The following HEATR5A variants were observed in gnomAD, a reference collection of about 807,000 sequenced individuals.
HEATR5A encodes HEAT repeat-containing protein 5A.
HEATR5A carries 178 observed loss-of-function variants against 218.8 expected under a neutral mutation model. The ratio of observed to expected loss-of-function variants is 0.81; its 90% CI spans 0.72 to 0.92. HEATR5A has a LOEUF of 0.92. Among genes scored for constraint, HEATR5A ranks in the 40% least tolerant of loss-of-function variants. The pLI is 0.00. For missense variants in HEATR5A, 2,420 were observed against 2,418.9 expected (o/e 1.00, Z -0.01); for synonymous variants, 864 against 871.6 (o/e 0.99, Z 0.15).
intron 28 of HEATR5A, 62 bp downstream of exon 28, chr14:31,312,906 A>AAAAAG (rs113193812): frequency 0.051 from 70,410 of 1,384,280 alleles, 5,803 homozygotes; most frequent in East Asian, 0.29. Flanking sequence ...AAAAACAAAA[A>AAAAAG]AAAAGAAAAG....
At chr14:31,405,008 G>A (rs1177636576) in intron 1 of HEATR5A, among the ~76,000 whole-genome samples, 1 of 148,864 alleles carries the variant, frequency 6.7e-6, no homozygotes, top group African/African-American at 2.5e-5. Context: ...AAGAACTGCT[G>A]AGGCCAGGAA....
At chr14:31,385,573 G>A (rs1360083283) in intron 9 of HEATR5A, among the ~76,000 whole-genome samples, 3 of 152,072 alleles carry the variant, frequency 2.0e-5, no homozygotes, top group Admixed American at 1.3e-4. Context: ...CAGGGGCTGC[G>A]GCAAAGGGAA....
Position 31,358,785 on chromosome 14 carries a change from C to G in HEATR5A, c.2263G>C (p.Gly755Arg), listed in dbSNP as rs755866065. The change falls in exon 16 of 36, where the codon GGA (glycine) becomes CGA (arginine). Residue 755 changes from glycine to arginine, a missense_variant. Coordinates refer to ENST00000543095, the MANE Select transcript of HEATR5A (RefSeq NM_015473.4). ...QLLLGNGVACGSLEYDPYSIY... is the reference protein window; with the variant it reads ...QLLLGNGVACRSLEYDPYSIY... The stretch of plus-strand genomic sequence containing the variant: ...GAATAAGGGTCATATTCAAGACTTC[C>G]GCAAGCAACACCATTACCAAGCAGG... 1 of 1,613,590 alleles carries G rather than the reference C, an allele frequency of 6.2e-7. No individual in the cohort carries two copies. The highest frequency in any genetic ancestry group is 1.7e-5 in the Admixed American group (1 of 59,936).
chr14:31,308,080 GTAAT>G, intron 29 of HEATR5A, 60 bp from the exon 30 acceptor site: 1 of 1,432,840 alleles, frequency 7.0e-7, no homozygotes, highest in Non-Finnish European at 9.4e-7. Flanking sequence ...ATGAAATTAA[GTAAT>G]TAATCTTATA....
Position 31,387,119 on chromosome 14 carries a change from C to T in HEATR5A, c.1189+1G>A. Reference sequence around the variant, plus strand: ...CAAACTGTCTTAGTAGAGATCCATACCCATAACTTTCTTTAGCTTCCAGAT... The same window carrying T: ...CAAACTGTCTTAGTAGAGATCCATATCCATAACTTTCTTTAGCTTCCAGAT... On this transcript the variant is annotated splice_donor_variant, in intron 8 of 35. Transcript: ENST00000543095. LOFTEE classifies it high-confidence loss of function. The T allele has an allele frequency of 1.2e-6, 2 of 1,613,892 alleles. No individual in the cohort carries two copies. Among genetic ancestry groups the T allele is most frequent in the Non-Finnish European group, 1.7e-6 (2 of 1,179,820 alleles).
intron 25 of HEATR5A, among the ~76,000 whole-genome samples, chr14:31,318,691 T>C (rs561021565): frequency 6.6e-6 from 1 of 152,204 alleles, no homozygotes; most frequent in Non-Finnish European, 1.5e-5. Context: ...GGTTTCACTA[T>C]GTTGGCCAGG....
intron 22 of HEATR5A, among the ~76,000 whole-genome samples, chr14:31,328,633 A>G (rs751481487): frequency 1.5e-4 from 23 of 152,148 alleles, no homozygotes; most frequent in Admixed American, 6.6e-4. Context: ...TAATCCCAGC[A>G]CTTTGGGAGG....
At position 31,308,005 on chromosome 14, in the gene HEATR5A, A is replaced by T; in HGVS notation, c.4706T>A (p.Phe1569Tyr). The T allele has an allele frequency of 6.2e-7, 1 of 1,609,852 alleles. No homozygotes were observed. Among genetic ancestry groups the T allele is most frequent in the Non-Finnish European group, 8.5e-7 (1 of 1,178,692 alleles). ...FHLILGISVE[F>Y]LCSLRSDATM... is the part of the protein sequence containing the mutation. ...TGCATCTGAACGTAAGGAACATAGA[A>T]ATTCCACGCTGATTCCTGTGGAAAG... The change falls in exon 30 of 36, where the codon TTT becomes TAT. Residue 1569 changes from phenylalanine to tyrosine, a missense_variant. By Grantham distance (22) the Phe-to-Tyr change is conservative. Coordinates refer to ENST00000543095, the MANE Select transcript of HEATR5A (RefSeq NM_015473.4).
intron 33 of HEATR5A, among the ~76,000 whole-genome samples, chr14:31,301,792 CCCAG>C: frequency 6.8e-6 from 1 of 147,064 alleles, no homozygotes; most frequent in Non-Finnish European, 1.5e-5. Flanking sequence ...CGTGCCTGGC[CCCAG>C]AACACAGCTT....
At chr14:31,346,091 A>G (rs1312638926) in intron 19 of HEATR5A, among the ~76,000 whole-genome samples, 2 of 152,234 alleles carry the variant, frequency 1.3e-5, no homozygotes, top group East Asian at 3.8e-4. Context: ...ATGAACTGAA[A>G]AAGTTTTATT....
intron 13 of HEATR5A, among the ~76,000 whole-genome samples, chr14:31,365,718 G>T (rs747906032): frequency 7.9e-5 from 12 of 151,728 alleles, no homozygotes; most frequent in Non-Finnish European, 1.0e-4. Flanking sequence ...AGGCTGGATT[G>T]TAGTGGCGTG....
At chr14:31,320,098 AC>A (rs566774193) in intron 25 of HEATR5A, 42 of 222,838 alleles carry the variant, frequency 1.9e-4, no homozygotes, top group Admixed American at 8.7e-4. Flanking sequence ...ATGAAAATTA[AC>A]CTTTATTTAT....
rs775214706 is a variant in HEATR5A, at chr14:31,304,932, C to T, written c.5212G>A (p.Glu1738Lys). Reference protein sequence around the residue: ...LVSAALVILSELPAVCSPEGS... With the variant: ...LVSAALVILSKLPAVCSPEGS... ...TCAGGAGAGCACACTGCAGGAAGTT[C>T]GGAAAGGATAACCAATGCAGCTGAA... Residue 1738 changes from glutamate to lysine, a missense_variant, in exon 32 of 36, where the codon GAA becomes AAA. Glu to Lys is a moderately conservative substitution (Grantham distance 56, BLOSUM62 1). Coordinates refer to ENST00000543095, the MANE Select transcript of HEATR5A (RefSeq NM_015473.4). 1.9e-5 allele frequency: 30 copies of T among 1,613,780 alleles called. No homozygotes were observed. Among genetic ancestry groups the T allele is most frequent in the East Asian group, 8.9e-5 (4 of 44,884 alleles).
At chr14:31,333,253 T>C (rs1900537611) in intron 22 of HEATR5A, among the ~76,000 whole-genome samples, 1 of 152,118 alleles carries the variant, frequency 6.6e-6, no homozygotes, top group African/African-American at 2.4e-5. Flanking sequence ...TTTTTCTTTT[T>C]CTTTCCTTTT....
At chr14:31,407,824 C>T (rs780804286) in intron 1 of HEATR5A, among the ~76,000 whole-genome samples, 1 of 152,166 alleles carries the variant, frequency 6.6e-6, no homozygotes, top group Non-Finnish European at 1.5e-5. Context: ...GACAGGGTTT[C>T]ACCATGTTGG....
intron 22 of HEATR5A, among the ~76,000 whole-genome samples, chr14:31,331,315 C>T (rs1341068166): frequency 6.6e-6 from 1 of 152,120 alleles, no homozygotes. Context: ...ATCTCTAGGG[C>T]AGGAGCAAAA....
intron 33 of HEATR5A, among the ~76,000 whole-genome samples, chr14:31,300,628 C>T (rs1011147993): frequency 1.3e-5 from 2 of 152,160 alleles, no homozygotes; most frequent in African/African-American, 4.8e-5. Context: ...GAGCAGTCCA[C>T]ATTTGAAGTC....
intron 26 of HEATR5A, among the ~76,000 whole-genome samples, chr14:31,317,822 T>C (rs1028698137): frequency 4.6e-5 from 7 of 152,188 alleles, no homozygotes; most frequent in African/African-American, 1.7e-4. Context: ...TTGTATAACA[T>C]TGCTGGTGGA....
Position 31,308,919 on chromosome 14 carries a change from A to C in HEATR5A, c.4690+15T>G. ...ACCCCTAAGGTTGTAAACTTGTAAA[A>C]GTGGTTTAACTGACCTAAAATAAGA... On this transcript the variant is annotated intron_variant, in intron 29 of 35. Coordinates refer to ENST00000543095, the MANE Select transcript of HEATR5A (RefSeq NM_015473.4). 1 of 1,598,796 alleles carries C rather than the reference A, an allele frequency of 6.3e-7. No individual in the cohort carries two copies. Among genetic ancestry groups the C allele is most frequent in the East Asian group, 2.2e-5 (1 of 44,532 alleles).
Sources: gnomAD v4.1 joint callset for allele counts (sites outside exome capture counted in the v4.1 genomes callset) on GRCh38, gnomAD v4.1.1 for gene constraint, MANE v1.5 for transcripts, NCBI Gene and HGNC (gene_info 2026-07-23, HGNC 2026-07-21) for gene names.